Variants in FBXL7 observed in about 807,000 individuals in gnomAD.
The protein encoded by FBXL7 is F-box and leucine rich repeat protein 7.
A neutral mutation model predicts 38.3 loss-of-function variants in FBXL7; 12 were observed. The observed-to-expected ratio is 0.31, with a 90% CI of 0.20 to 0.51. The LOEUF is 0.51. Ranked by LOEUF, FBXL7 falls within the 20% of genes least tolerant of loss-of-function variation. The pLI, the probability that FBXL7 is intolerant of heterozygous loss-of-function variation, is 0.98. For synonymous variants in FBXL7, 297 were observed against 300.9 expected, an observed-to-expected ratio of 0.99 and a Z score of 0.13; for missense variants, 567 against 676.4, an observed-to-expected ratio of 0.84 and a Z score of 1.79.
chr5:15,739,819 G>C (rs1226669264), intron 2 of FBXL7, among the ~76,000 whole-genome samples: 1 of 152,140 alleles, frequency 6.6e-6, no homozygotes, highest in Non-Finnish European at 1.5e-5. Flanking sequence ...GCTTTAATGA[G>C]TATTACTGCT....
intron 2 of FBXL7, among the ~76,000 whole-genome samples, chr5:15,855,204 A>G: frequency 6.6e-6 from 1 of 152,194 alleles, no homozygotes; most frequent in East Asian, 1.9e-4. Flanking sequence ...GTATAAACAA[A>G]ATTTTGTGCA....
chr5:15,516,691 C>A (rs1211719279), intron 1 of FBXL7, among the ~76,000 whole-genome samples: 1 of 152,096 alleles, frequency 6.6e-6, no homozygotes, highest in Non-Finnish European at 1.5e-5. Flanking sequence ...GGAGGGACTT[C>A]GTGGGAGGTA....
At chr5:15,920,722 T>C (rs1160290080) in intron 2 of FBXL7, among the ~76,000 whole-genome samples, 2 of 152,136 alleles carry the variant, frequency 1.3e-5, no homozygotes, top group African/African-American at 2.4e-5. Context: ...GGTTTCACCA[T>C]GTTCACCAGG....
chr5:15,901,761 C>T (rs183020216), intron 2 of FBXL7, among the ~76,000 whole-genome samples: 4 of 152,290 alleles, frequency 2.6e-5, no homozygotes, highest in East Asian at 1.9e-4. Context: ...GCACTAAATA[C>T]TCATTCATGA....
intron 2 of FBXL7, among the ~76,000 whole-genome samples, chr5:15,924,632 CTTT>C (rs34865383): frequency 0.25 from 29,474 of 119,694 alleles, 2,668 homozygotes; most frequent in Admixed American, 0.31. Context: ...TCTCATTATT[CTTT>C]TTTTTTTTTT....
At chr5:15,693,718 A>G in intron 2 of FBXL7, among the ~76,000 whole-genome samples, 1 of 152,194 alleles carries the variant, frequency 6.6e-6, no homozygotes, top group East Asian at 1.9e-4. Flanking sequence ...ACACCGACAG[A>G]TGCTGGAAGG....
intron 2 of FBXL7, among the ~76,000 whole-genome samples, chr5:15,828,885 T>A (rs149940081): frequency 1.5e-3 from 225 of 152,338 alleles, no homozygotes; most frequent in Non-Finnish European, 2.5e-3. Flanking sequence ...CTTCAGTGGA[T>A]CTGAGAAACA....
chr5:15,736,144 A>G (rs1358545322), intron 2 of FBXL7, among the ~76,000 whole-genome samples: 1 of 152,214 alleles, frequency 6.6e-6, no homozygotes, highest in Non-Finnish European at 1.5e-5. Context: ...TGAATATTCA[A>G]TGCATTTAAG....
chr5:15,566,658 C>G (rs947604456), intron 1 of FBXL7, among the ~76,000 whole-genome samples: 1 of 152,114 alleles, frequency 6.6e-6, no homozygotes, highest in East Asian at 1.9e-4. Flanking sequence ...TTTTGAGAAG[C>G]ATATTTTATC....
intron 2 of FBXL7, among the ~76,000 whole-genome samples, chr5:15,878,969 T>C (rs1056456045): frequency 1.3e-5 from 2 of 152,190 alleles, no homozygotes; most frequent in South Asian, 2.1e-4. Context: ...GGGAGCTTTT[T>C]AAAAATCTTG....
chr5:15,655,943 A>G (rs1034232264), intron 2 of FBXL7, among the ~76,000 whole-genome samples: 55 of 152,220 alleles, frequency 3.6e-4, no homozygotes, highest in African/African-American at 1.3e-3. Context: ...AGAACTCTGC[A>G]CTGTTGGTGC....
At chr5:15,522,743 C>G (rs1047498758) in intron 1 of FBXL7, among the ~76,000 whole-genome samples, 29 of 152,206 alleles carry the variant, frequency 1.9e-4, no homozygotes, top group African/African-American at 6.8e-4. Flanking sequence ...ATATAAGCTA[C>G]TGTCAGCTTT....
intron 2 of FBXL7, among the ~76,000 whole-genome samples, chr5:15,630,143 T>C (rs1204259827): frequency 1.3e-5 from 2 of 152,176 alleles, no homozygotes; most frequent in Non-Finnish European, 2.9e-5. Context: ...TCTAGCTCTA[T>C]AAATAACCAG....
chr5:15,540,531 G>A (rs758638354), intron 1 of FBXL7, among the ~76,000 whole-genome samples: 1 of 152,178 alleles, frequency 6.6e-6, no homozygotes, highest in Non-Finnish European at 1.5e-5. Context: ...CTATGCAGTG[G>A]TAGAAGAAAA....
Position 15,500,471 on chromosome 5 carries a change from T to A in FBXL7, c.-206T>A. 3.0e-6 allele frequency: 2 copies of A among 658,770 alleles called. No homozygotes were observed. Among genetic ancestry groups the A allele is most frequent in the Non-Finnish European group, 5.3e-6 (2 of 375,582 alleles). 40.8% of individuals were successfully genotyped at this position (658,770 alleles called of 1,614,324 possible). ...TGCTGCAGCTGTGCCCGGCCCCGCC[T>A]GGAGCCACCGGGGGTGCCAGGAGGG... On this transcript the variant is annotated 5_prime_UTR_variant, in exon 1 of 4. Transcript: ENST00000504595.
intron 2 of FBXL7, among the ~76,000 whole-genome samples, chr5:15,804,379 G>C (rs1399988396): frequency 2.0e-5 from 3 of 152,158 alleles, no homozygotes; most frequent in African/African-American, 7.2e-5. Context: ...CGAGGTGGGA[G>C]GATCCCTTGA....
chr5:15,524,335 G>GTGAGTAAA (rs1485426734), intron 1 of FBXL7, among the ~76,000 whole-genome samples: 3 of 152,144 alleles, frequency 2.0e-5, no homozygotes, highest in Admixed American at 2.0e-4. Context: ...GTCCGTTTGT[G>GTGAGTAAA]TGAGTAAATG....
intron 2 of FBXL7, among the ~76,000 whole-genome samples, chr5:15,846,294 A>G (rs1191584409): frequency 1.3e-5 from 2 of 152,262 alleles, no homozygotes; most frequent in Non-Finnish European, 2.9e-5. Flanking sequence ...GTTTTTTAAC[A>G]AATTAATGGA....
intron 2 of FBXL7, among the ~76,000 whole-genome samples, chr5:15,718,979 A>C (rs1302955885): frequency 6.6e-6 from 1 of 152,210 alleles, no homozygotes; most frequent in Non-Finnish European, 1.5e-5. Flanking sequence ...TGTTAAACAC[A>C]ATTGAGAGTG....
Sources: gnomAD v4.1 joint callset for allele counts (sites outside exome capture counted in the v4.1 genomes callset) on GRCh38, gnomAD v4.1.1 for gene constraint, MANE v1.5 for transcripts, NCBI Gene and HGNC (gene_info 2026-07-23, HGNC 2026-07-21) for gene names.